ACOT8: variants seen among roughly 807,000 people sequenced by gnomAD.
ACOT8 encodes acyl-CoA thioesterase 8.
A neutral mutation model predicts 38.4 loss-of-function variants in ACOT8; 31 were observed. The ratio of observed to expected loss-of-function variants is 0.81; its 90% CI spans 0.61 to 1.09. The LOEUF is 1.09. Ranked by LOEUF, ACOT8 falls within the 50% of genes least tolerant of loss-of-function variation. ACOT8 has a pLI of 0.00. For missense variants in ACOT8, 373 were observed against 421.8 expected (o/e 0.88, Z 1.01); for synonymous variants, 158 against 170.3 (o/e 0.93, Z 0.56).
intron 3 of ACOT8, among the ~76,000 whole-genome samples, chr20:45,846,688 A>G (rs1278775128): frequency 6.6e-6 from 1 of 152,180 alleles, no homozygotes; most frequent in Non-Finnish European, 1.5e-5. Flanking sequence ...GCACTGTCCC[A>G]CAGCAGGTGA....
At chr20:45,844,468 A>G (rs1471588667) in intron 3 of ACOT8, 48 bp from the exon 4 acceptor site, 4 of 1,596,500 alleles carry the variant, frequency 2.5e-6, no homozygotes, top group Middle Eastern at 1.7e-4. Context: ...GAAGAGAGGG[A>G]GTCACATCTG....
intron 2 of ACOT8, among the ~76,000 whole-genome samples, chr20:45,854,181 G>A (rs941316077): frequency 3.0e-5 from 4 of 133,992 alleles, no homozygotes; most frequent in Non-Finnish European, 6.9e-5. Flanking sequence ...TTATAGGCAT[G>A]AGCCACCACA....
At chr20:45,851,883 C>T (rs925724164) in intron 2 of ACOT8, among the ~76,000 whole-genome samples, 69 of 152,344 alleles carry the variant, frequency 4.5e-4, no homozygotes, top group African/African-American at 1.6e-3. Context: ...AATTCACATT[C>T]TTTCCTGGGC....
chr20:45,844,530 C>T, intron 3 of ACOT8, 110 bp from the exon 4 acceptor site: 1 of 1,266,574 alleles, frequency 7.9e-7, no homozygotes, highest in East Asian at 2.4e-5. Context: ...CTGATATCCC[C>T]AAAGCTCCCC....
intron 1 of ACOT8, 22 bp from the exon 2 acceptor site, chr20:45,855,314 G>C: frequency 6.2e-7 from 1 of 1,613,426 alleles, no homozygotes; most frequent in Non-Finnish European, 8.5e-7. Flanking sequence ...GGGGGAAAGA[G>C]GGAAAGACTT....
chr20:45,852,020 C>T (rs1170046123), intron 2 of ACOT8, among the ~76,000 whole-genome samples: 4 of 151,926 alleles, frequency 2.6e-5, no homozygotes, highest in African/African-American at 7.3e-5. Context: ...GATGGAGTCT[C>T]GATCTGTCGC....
At chr20:45,844,068 C>T (rs946334919) in intron 4 of ACOT8, 195 bp downstream of exon 4, 17 of 876,662 alleles carry the variant, frequency 1.9e-5, no homozygotes, top group Middle Eastern at 3.0e-4. Flanking sequence ...GGCCTTGTGT[C>T]GGGATTATAG....
chr20:45,854,091 G>C (rs1985242864), intron 2 of ACOT8: 1 of 772,680 alleles, frequency 1.3e-6, no homozygotes, highest in African/African-American at 1.9e-5. Flanking sequence ...GTAGAGACAA[G>C]GTCTCGATTT....
intron 3 of ACOT8, chr20:45,848,090 A>G (rs964385508): frequency 6.3e-6 from 1 of 159,614 alleles, no homozygotes; most frequent in African/African-American, 2.4e-5. Context: ...TTATTTTTAA[A>G]TTAGAGATGG....
chr20:45,841,728 G>A lies in ACOT8; in HGVS notation c.*110C>T. On this transcript the variant is annotated 3_prime_UTR_variant, in exon 6 of 6. Transcript: ENST00000217455. The stretch of plus-strand genomic sequence containing the variant: ...GAATTAAAAGCCAGCCACTCCAGTG[G>A]TATCAGTCTCTTTATTGGATGTGAG... The A allele has an allele frequency of 7.0e-7, 1 of 1,437,190 alleles. No homozygotes were observed. Among genetic ancestry groups the A allele is most frequent in the East Asian group, 2.5e-5 (1 of 39,782 alleles). 89.0% of individuals were successfully genotyped at this position (1,437,190 alleles called of 1,614,324 possible).
chr20:45,843,255 A>G (rs57012406), intron 5 of ACOT8: 8,919 of 612,896 alleles, frequency 0.015, 429 homozygotes, highest in East Asian at 0.14. Flanking sequence ...TGCCTATTGT[A>G]ATACAAAGAA....
intron 2 of ACOT8, among the ~76,000 whole-genome samples, chr20:45,849,599 C>T (rs536418003): frequency 2.8e-4 from 42 of 152,078 alleles, no homozygotes; most frequent in South Asian, 4.1e-4. Context: ...TACAGGCGTG[C>T]GCCGCTACAC....
chr20:45,856,034 T>C (rs1056110057), intron 1 of ACOT8, among the ~76,000 whole-genome samples: 6 of 151,948 alleles, frequency 3.9e-5, no homozygotes, highest in Non-Finnish European at 8.8e-5. Flanking sequence ...GAAGCCGAGG[T>C]GGGAGGATCG....
intron 5 of ACOT8, chr20:45,843,230 A>T: frequency 1.9e-6 from 1 of 537,476 alleles, no homozygotes; most frequent in Admixed American, 2.5e-5. Context: ...TGAGGTTCAG[A>T]TGGAAGATAT....
intron 5 of ACOT8, 120 bp downstream of exon 5, chr20:45,843,407 G>T: frequency 7.6e-7 from 1 of 1,307,458 alleles, no homozygotes; most frequent in Non-Finnish European, 1.1e-6. Context: ...GCCTGGGAGG[G>T]AAGGAAAGGA....
chr20:45,842,010 T>G, intron 5 of ACOT8, 54 bp from the exon 6 acceptor site: 1 of 363,938 alleles, frequency 2.7e-6, no homozygotes, highest in Non-Finnish European at 4.6e-6. Flanking sequence ...CCAAATACAC[T>G]TTTTTTTTTT....
At chr20:45,848,717 C>T (rs1984866642) in intron 2 of ACOT8, 42 bp from the exon 3 acceptor site, 1 of 1,520,596 alleles carries the variant, frequency 6.6e-7, no homozygotes, top group African/African-American at 1.4e-5. Context: ...CAGGCCCTGT[C>T]ATCATCACAA....
chr20:45,855,019 C>T, intron 2 of ACOT8, 140 bp downstream of exon 2: 1 of 1,200,724 alleles, frequency 8.3e-7, no homozygotes, highest in South Asian at 1.5e-5. Context: ...CCACCCTAGA[C>T]ACCTCTTAGG....
At chr20:45,852,069 G>A (rs1422656202) in intron 2 of ACOT8, among the ~76,000 whole-genome samples, 2 of 151,854 alleles carry the variant, frequency 1.3e-5, no homozygotes, top group African/African-American at 4.8e-5. Context: ...AGCTCACTGC[G>A]ACCTCCAGCC....
Sources: allele counts gnomAD v4.1 joint callset (sites outside exome capture counted in the v4.1 genomes callset), GRCh38; gene constraint gnomAD v4.1.1; transcripts MANE v1.5; gene names NCBI Gene and HGNC (gene_info 2026-07-23, HGNC 2026-07-21).